The following CA10 variants were observed in gnomAD, a reference collection of about 807,000 sequenced individuals.
CA10 encodes the protein carbonic anhydrase-related protein 10.
In CA10, 14 loss-of-function variants were observed where a neutral mutation model predicts 44.2. That is an observed-to-expected ratio of 0.32 (90% CI 0.21 to 0.50). The LOEUF (loss-of-function observed/expected upper bound fraction) is 0.50, where lower values mean the gene tolerates loss of function less well. Among genes scored for constraint, CA10 ranks in the 20% least tolerant of loss-of-function variants. CA10 has a pLI of 0.99. For synonymous variants in CA10, 159 were observed against 141.6 expected (o/e 1.12, Z -0.87); for missense variants, 350 against 409.7 (o/e 0.85, Z 1.26).
chr17:51,844,418 G>A (rs529596722), intron 3 of CA10, among the ~76,000 whole-genome samples: 1 of 152,138 alleles, frequency 6.6e-6, no homozygotes, highest in African/African-American at 2.4e-5. Context: ...TTTATTACCT[G>A]AAATATTTTT....
At chr17:51,921,737 C>T (rs1982242699) in intron 3 of CA10, among the ~76,000 whole-genome samples, 1 of 152,166 alleles carries the variant, frequency 6.6e-6, no homozygotes, top group Admixed American at 6.5e-5. Context: ...GGCATTTCCC[C>T]TGTGCTATTT....
At chr17:51,908,070 T>G (rs1448395413) in intron 3 of CA10, among the ~76,000 whole-genome samples, 1 of 152,158 alleles carries the variant, frequency 6.6e-6, no homozygotes, top group Non-Finnish European at 1.5e-5. Context: ...TCAGACCCAG[T>G]CCTGTGTGAT....
intron 3 of CA10, among the ~76,000 whole-genome samples, chr17:51,776,492 C>T (rs913722428): frequency 6.6e-6 from 1 of 152,144 alleles, no homozygotes; most frequent in Non-Finnish European, 1.5e-5. Flanking sequence ...CAAAGATGAT[C>T]ATTTCAACAG....
chr17:51,674,811 C>T (rs1407949344), intron 4 of CA10, among the ~76,000 whole-genome samples: 1 of 152,046 alleles, frequency 6.6e-6, no homozygotes, highest in African/African-American at 2.4e-5. Context: ...CATTTAATAC[C>T]ACCCAGAAGG....
intron 3 of CA10, among the ~76,000 whole-genome samples, chr17:51,849,486 C>A (rs535533284): frequency 1.3e-5 from 2 of 151,474 alleles, no homozygotes; most frequent in South Asian, 2.1e-4. Flanking sequence ...CTTGGTGCAA[C>A]GGAAAGATCT....
intron 2 of CA10, among the ~76,000 whole-genome samples, chr17:52,026,886 A>T (rs1195744139): frequency 4.6e-5 from 7 of 152,094 alleles, no homozygotes; most frequent in African/African-American, 1.7e-4. Flanking sequence ...TGGCACGAGG[A>T]ACCAGTTTTG....
At chr17:52,081,170 T>C (rs1567726818) in intron 1 of CA10, among the ~76,000 whole-genome samples, 1 of 152,106 alleles carries the variant, frequency 6.6e-6, no homozygotes, top group Non-Finnish European at 1.5e-5. Flanking sequence ...CTCTGTGATA[T>C]AGAGGGTGAG....
intron 4 of CA10, among the ~76,000 whole-genome samples, chr17:51,674,530 T>C (rs1597977732): frequency 6.6e-6 from 1 of 152,174 alleles, no homozygotes; most frequent in East Asian, 1.9e-4. Flanking sequence ...TATTCTAGCT[T>C]TTTTCTTTCC....
At chr17:51,863,428 T>A (rs1232465863) in intron 3 of CA10, among the ~76,000 whole-genome samples, 1 of 152,256 alleles carries the variant, frequency 6.6e-6, no homozygotes, top group Non-Finnish European at 1.5e-5. Flanking sequence ...CATACTAGGA[T>A]GCATTTGCAT....
intron 2 of CA10, among the ~76,000 whole-genome samples, chr17:51,979,545 C>T (rs1164029172): frequency 6.6e-6 from 1 of 152,128 alleles, no homozygotes; most frequent in Non-Finnish European, 1.5e-5. Flanking sequence ...GACTTCTCAT[C>T]ATTTAGCTCC....
Position 51,649,194 on chromosome 17 carries a change from T to A in CA10, c.622A>T (p.Ile208Leu). 13 of 1,612,570 alleles carry A rather than the reference T, an allele frequency of 8.1e-6. No homozygotes were observed. The highest frequency in any genetic ancestry group is 1.1e-5 in the Non-Finnish European group (13 of 1,178,584). Reference sequence around the variant, plus strand: ...GAACCAAACTTACTTTTATATGTTATTCTTGTGATAGTATCTCTGTTGAGC... The same window carrying A: ...GAACCAAACTTACTTTTATATGTTAATCTTGTGATAGTATCTCTGTTGAGC... ...RMLNRDTITR[I>L]TYKNDAYLLQ... Residue 208 changes from isoleucine (I) to leucine (L), a missense_variant, in exon 6 of 9, where the codon ATA becomes TTA. Physicochemically the swap from Ile to Leu is conservative, Grantham distance 5. Coordinates refer to ENST00000451037, the MANE Select transcript of CA10 (RefSeq NM_020178.5).
chr17:51,759,490 T>C (rs937735604), intron 3 of CA10, among the ~76,000 whole-genome samples: 1 of 122,284 alleles, frequency 8.2e-6, no homozygotes, highest in Non-Finnish European at 1.9e-5. Flanking sequence ...CTATATTTAA[T>C]ATATTTATTT....
intron 2 of CA10, among the ~76,000 whole-genome samples, chr17:52,053,789 C>A (rs962077068): frequency 1.3e-5 from 2 of 152,146 alleles, no homozygotes; most frequent in East Asian, 1.9e-4. Flanking sequence ...ATTAGTTCCC[C>A]AAATTAATAC....
intron 3 of CA10, among the ~76,000 whole-genome samples, chr17:51,876,076 T>C (rs1980059049): frequency 6.6e-6 from 1 of 151,936 alleles, no homozygotes; most frequent in South Asian, 2.1e-4. Flanking sequence ...GAGAGTTGTC[T>C]CCAGTTGTCA....
chr17:51,749,117 G>A (rs541991780), intron 3 of CA10, among the ~76,000 whole-genome samples: 3 of 152,274 alleles, frequency 2.0e-5, no homozygotes, highest in South Asian at 2.1e-4. Flanking sequence ...GTGGTGCAGC[G>A]ACTGCATGGA....
intron 3 of CA10, among the ~76,000 whole-genome samples, chr17:51,797,826 G>A (rs551150448): frequency 7.1e-6 from 1 of 140,618 alleles, no homozygotes; most frequent in Admixed American, 7.7e-5. Flanking sequence ...ACACCTGCCT[G>A]GGTGACAGAG....
intron 4 of CA10, among the ~76,000 whole-genome samples, chr17:51,676,624 A>T (rs1467700644): frequency 6.6e-6 from 1 of 152,210 alleles, no homozygotes; most frequent in Non-Finnish European, 1.5e-5. Flanking sequence ...TTACATCAGA[A>T]ACCCTATTGG....
intron 2 of CA10, among the ~76,000 whole-genome samples, chr17:52,024,519 G>T (rs991399430): frequency 6.6e-6 from 1 of 151,740 alleles, no homozygotes; most frequent in Non-Finnish European, 1.5e-5. Flanking sequence ...GGTGGGAGGG[G>T]GTAAAGCTAC....
At chr17:52,046,882 T>C (rs1986927260) in intron 2 of CA10, among the ~76,000 whole-genome samples, 2 of 151,916 alleles carry the variant, frequency 1.3e-5, no homozygotes, top group South Asian at 4.1e-4. Context: ...TGGTCCAACA[T>C]TCAAAAACAA....
Sources: gnomAD v4.1 joint callset for allele counts (sites outside exome capture counted in the v4.1 genomes callset) on GRCh38, gnomAD v4.1.1 for gene constraint, MANE v1.5 for transcripts, NCBI Gene and HGNC (gene_info 2026-07-23, HGNC 2026-07-21) for gene names.